Variants in MNAT1 observed in about 807,000 individuals in gnomAD.
MNAT1 encodes the protein CDK-activating kinase assembly factor MAT1.
A neutral mutation model predicts 42.0 loss-of-function variants in MNAT1; 43 were observed. The observed-to-expected ratio is 1.02, with a 90% confidence interval of 0.80 to 1.32. MNAT1 has a LOEUF of 1.32. Ranked by LOEUF, MNAT1 falls within the 40% of genes most tolerant of loss-of-function variation. The pLI, the probability that MNAT1 is intolerant of heterozygous loss-of-function variation, is 0.00. For synonymous variants in MNAT1, 118 were observed against 120.0 expected (o/e 0.98, Z 0.11); for missense variants, 306 against 350.4 (o/e 0.87, Z 1.01).
At chr14:60,879,632 A>T (rs1017020646) in intron 6 of MNAT1, 82 bp from the exon 7 acceptor site, 3 of 1,363,984 alleles carry the variant, frequency 2.2e-6, no homozygotes, top group Middle Eastern at 1.9e-4. Context: ...GAGGAATTTA[A>T]TTCATCTTTA....
intron 7 of MNAT1, among the ~76,000 whole-genome samples, chr14:60,951,819 G>C (rs2036389662): frequency 6.6e-6 from 1 of 151,574 alleles, no homozygotes; most frequent in African/African-American, 2.4e-5. Context: ...TTTTCCTGTG[G>C]GTCTTGGATC....
intron 7 of MNAT1, among the ~76,000 whole-genome samples, chr14:60,923,913 C>T (rs1276594951): frequency 1.1e-4 from 16 of 152,152 alleles, no homozygotes; most frequent in Non-Finnish European, 2.4e-4. Flanking sequence ...ACCTGGATGA[C>T]AGAGCGAGAC....
chr14:60,927,718 G>C (rs558550656), intron 7 of MNAT1, among the ~76,000 whole-genome samples: 3 of 152,224 alleles, frequency 2.0e-5, no homozygotes, highest in Admixed American at 1.3e-4. Context: ...TTCTGTTTCT[G>C]CTCATTGTTG....
At chr14:60,916,959 A>G (rs1316443243) in intron 7 of MNAT1, among the ~76,000 whole-genome samples, 1 of 152,158 alleles carries the variant, frequency 6.6e-6, no homozygotes, top group Non-Finnish European at 1.5e-5. Flanking sequence ...TCTCCAAAAA[A>G]TTTAAAAAAA....
At position 60,824,790 on chromosome 14, in the gene MNAT1, A is replaced by G. The variant is rs890345294; in HGVS notation, c.687+5943A>G. 5.3e-5 allele frequency among the ~76,000 whole-genome samples: 8 copies of G among 152,210 alleles called. No individual in the cohort carries two copies. In the South Asian group the frequency reaches 1.7e-3, roughly 31 times the overall value. ...TGGTAAATAGTAATAATTAGCAACCATAATGTTACCATTAATGTTTGTTAT... is the reference window on the plus strand; with the variant it reads ...TGGTAAATAGTAATAATTAGCAACCGTAATGTTACCATTAATGTTTGTTAT... On this transcript the variant is annotated intron_variant, in intron 6 of 7. Transcript: ENST00000261245.
intron 7 of MNAT1, among the ~76,000 whole-genome samples, chr14:60,948,149 G>A (rs772709013): frequency 2.0e-5 from 3 of 152,074 alleles, no homozygotes; most frequent in Non-Finnish European, 1.5e-5. Context: ...ATACTGAAGG[G>A]GCTGAGCATG....
chr14:60,921,337 TGTAAAAG>T (rs888924567), intron 7 of MNAT1, among the ~76,000 whole-genome samples: 1 of 152,200 alleles, frequency 6.6e-6, no homozygotes, highest in African/African-American at 2.4e-5. Flanking sequence ...TATTCCCCAT[TGTAAAAG>T]TAATATATGT....
At position 60,874,665 on chromosome 14, in the gene MNAT1, A is replaced by C. The variant is rs149740107; in HGVS notation, c.688-5049A>C. On this transcript the variant is annotated intron_variant, in intron 6 of 7. Coordinates refer to ENST00000261245, the MANE Select transcript of MNAT1 (RefSeq NM_002431.4). ...TTTGGCACCCAACCAAATTTAATTC[A>C]AATATAACTTATAATTAGTATATCA... 3.5e-3 allele frequency among the ~76,000 whole-genome samples: 528 copies of C among 152,240 alleles called. 3 individuals are homozygous for C. The highest frequency in any genetic ancestry group is 0.012 in the African/African-American group (512 of 41,526).
intron 7 of MNAT1, among the ~76,000 whole-genome samples, chr14:60,941,778 G>T (rs995846522): frequency 6.6e-6 from 1 of 151,418 alleles, no homozygotes; most frequent in Non-Finnish European, 1.5e-5. Flanking sequence ...GCTGAGGCGG[G>T]CGGATCATGA....
At chr14:60,906,716 T>A (rs535504250) in intron 7 of MNAT1, among the ~76,000 whole-genome samples, 1 of 152,312 alleles carries the variant, frequency 6.6e-6, no homozygotes, top group Non-Finnish European at 1.5e-5. Context: ...ATAATAAAAC[T>A]GAATAAAAGT....
At chr14:60,841,631 C>T (rs1467591544) in intron 6 of MNAT1, among the ~76,000 whole-genome samples, 3 of 151,976 alleles carry the variant, frequency 2.0e-5, no homozygotes, top group Admixed American at 2.0e-4. Context: ...CTTCTATTGA[C>T]TGATTTTTTT....
At chr14:60,935,121 G>A (rs1311202840) in intron 7 of MNAT1, among the ~76,000 whole-genome samples, 1 of 152,152 alleles carries the variant, frequency 6.6e-6, no homozygotes, top group African/African-American at 2.4e-5. Flanking sequence ...CTAGGTAAAT[G>A]TGTTTTCCTT....
At chr14:60,950,721 T>C (rs1170455666) in intron 7 of MNAT1, among the ~76,000 whole-genome samples, 1 of 152,202 alleles carries the variant, frequency 6.6e-6, no homozygotes, top group Non-Finnish European at 1.5e-5. Flanking sequence ...ATGTATAGCT[T>C]ACCCTTCATT....
At chr14:60,898,577 A>G (rs2035010496) in intron 7 of MNAT1, among the ~76,000 whole-genome samples, 3 of 151,952 alleles carry the variant, frequency 2.0e-5, no homozygotes, top group Middle Eastern at 6.8e-3. Context: ...AAAAGTTTCT[A>G]TTCATATTCT....
At chr14:60,750,128 A>T (rs1460348594) in intron 1 of MNAT1, among the ~76,000 whole-genome samples, 3 of 152,158 alleles carry the variant, frequency 2.0e-5, no homozygotes, top group South Asian at 2.1e-4. Context: ...AGTTCTGGGG[A>T]AACAACAGTG....
intron 3 of MNAT1, 78 bp downstream of exon 3, chr14:60,798,238 C>A: frequency 1.4e-6 from 1 of 730,336 alleles, no homozygotes; most frequent in Non-Finnish European, 2.3e-6. Flanking sequence ...GAACATCTCA[C>A]ATAAAAACCT....
At chr14:60,903,816 G>A (rs947903741) in intron 7 of MNAT1, among the ~76,000 whole-genome samples, 6 of 148,508 alleles carry the variant, frequency 4.0e-5, no homozygotes, top group Admixed American at 6.7e-5. Context: ...TGGTGAAAAC[G>A]TAGTTGTTTC....
Position 60,740,671 on chromosome 14 carries a change from A to C in MNAT1, c.89+5720A>C, listed in dbSNP as rs369109775. On this transcript the variant is annotated intron_variant, in intron 1 of 7. Coordinates refer to ENST00000261245, the MANE Select transcript of MNAT1 (RefSeq NM_002431.4). The surrounding 1 kb of genome is among the most constrained non-coding windows in gnomAD (Gnocchi z 4.1). The stretch of plus-strand genomic sequence containing the variant: ...TTATTTTAGGTGGAAGATTTAGAAC[A>C]GGAACATTCTAGATATATTATTTTA... 1.3e-5 allele frequency among the ~76,000 whole-genome samples: 2 copies of C among 152,232 alleles called. No homozygotes were observed. Among genetic ancestry groups the C allele is most frequent in the African/African-American group, 4.8e-5 (2 of 41,468 alleles).
intron 1 of MNAT1, among the ~76,000 whole-genome samples, chr14:60,748,917 A>G (rs748256963): frequency 2.0e-5 from 3 of 152,218 alleles, no homozygotes; most frequent in Non-Finnish European, 4.4e-5. Flanking sequence ...TGCATATGCT[A>G]TATTTTCATA....
Sources: allele counts gnomAD v4.1 joint callset (sites outside exome capture counted in the v4.1 genomes callset), GRCh38; gene constraint gnomAD v4.1.1; non-coding constraint Gnocchi (gnomAD v3.1); transcripts MANE v1.5; gene names NCBI Gene and HGNC (gene_info 2026-07-23, HGNC 2026-07-21).